DYM: variants seen among roughly 807,000 people sequenced by gnomAD.
DYM encodes dymeclin.
Under a neutral mutation model 93.1 loss-of-function variants are expected in DYM, and 78 were observed. The ratio of observed to expected loss-of-function variants is 0.84; its 90% CI spans 0.70 to 1.01. The LOEUF (loss-of-function observed/expected upper bound fraction) is 1.01. DYM is among the 50% of genes least tolerant of loss of function. The pLI is 0.00. For missense variants in DYM, 789 were observed against 845.0 expected, an observed-to-expected ratio of 0.93 and a Z score of 0.82; for synonymous variants, 321 against 319.7, an observed-to-expected ratio of 1.00 and a Z score of -0.04.
intron 2 of DYM, among the ~76,000 whole-genome samples, chr18:49,427,905 TG>T (rs1260586856): frequency 6.7e-6 from 1 of 150,112 alleles, no homozygotes; most frequent in Non-Finnish European, 1.5e-5. Flanking sequence ...CTGGGCAACA[TG>T]GCAAGACCTT....
intron 17 of DYM, among the ~76,000 whole-genome samples, chr18:49,053,462 G>A (rs2075203779): frequency 1.3e-5 from 2 of 151,962 alleles, no homozygotes; most frequent in South Asian, 4.1e-4. Flanking sequence ...CTACATAGCA[G>A]ATTGAAAAAA....
chr18:49,268,763 T>C (rs2094616375), intron 11 of DYM, among the ~76,000 whole-genome samples: 1 of 96,982 alleles, frequency 1.0e-5, no homozygotes. Flanking sequence ...ATGCATGTTA[T>C]ACTTCAATTT....
rs116740894 is a variant in DYM at position 49,285,097 on chromosome 18, C to T, written c.946+1337G>A. ...ACTGAGCCCTCACCAGACACCAAAC[C>T]TGCCGGTGCCTGCATCTTAGATTGA... On this transcript the variant is annotated intron_variant, in intron 9 of 17. Transcript: ENST00000675505. Among the ~76,000 whole-genome samples, 526 of 152,320 alleles carry T rather than the reference C, an allele frequency of 3.5e-3. 4 individuals are homozygous for T. Among genetic ancestry groups the T allele is most frequent in the African/African-American group, 0.012 (488 of 41,578 alleles).
At chr18:49,162,618 T>C (rs1358697714) in intron 15 of DYM, among the ~76,000 whole-genome samples, 1 of 152,240 alleles carries the variant, frequency 6.6e-6, no homozygotes, top group African/African-American at 2.4e-5. Context: ...GAGTTTTGGA[T>C]GGCACATTCA....
intron 13 of DYM, among the ~76,000 whole-genome samples, chr18:49,247,365 C>G (rs1158157955): frequency 6.6e-6 from 1 of 152,094 alleles, no homozygotes; most frequent in Non-Finnish European, 1.5e-5. Context: ...TTGTCCTTGA[C>G]CCAGGAGTCT....
In DYM at chr18:49,363,209, T is replaced by G. The variant is rs768677076; in HGVS notation, c.446A>C (p.Glu149Ala). Residue 149 changes from glutamate (E) to alanine (A), a missense_variant, in exon 6 of 18, where the codon GAA becomes GCA. Around this residue, in one of 3 missense-constraint regions of DYM, gnomAD observed 450 missense variants for 436.2 expected, o/e 1.03. Transcript: ENST00000675505. ...NYSSDSEDLL[E>A]ELLCCLMQLI... ...CTGCATCAAACAGCACAGCAATTCT[T>G]CCAAAAGATCTTCTGAGTCAGAACC... 1.2e-6 allele frequency: 2 copies of G among 1,613,830 alleles called. No individual in the cohort carries two copies. Among genetic ancestry groups the G allele is most frequent in the African/African-American group, 2.7e-5 (2 of 74,912 alleles).
chr18:49,321,278 C>T, intron 8 of DYM: 1 of 397,832 alleles, frequency 2.5e-6, no homozygotes, highest in African/African-American at 2.1e-5. Flanking sequence ...ATTTCATCTG[C>T]AATTGATTGC....
rs551809354 is a variant in DYM, at chr18:49,163,308, G to A, written c.1728+377C>T. ...ACAGTAAAATCTTGAGAAGAGAGGGGTAATGCTATTATAAATTTTACAATG... is the reference window on the plus strand; with the variant it reads ...ACAGTAAAATCTTGAGAAGAGAGGGATAATGCTATTATAAATTTTACAATG... On this transcript the variant is annotated intron_variant, in intron 15 of 17. Transcript: ENST00000675505. Among the ~76,000 whole-genome samples the A allele has an allele frequency of 4.6e-5, 7 of 152,182 alleles. No individual in the cohort carries two copies. The South Asian group carries it at 8.3e-4, about 18-fold the overall frequency.
chr18:49,246,241 G>A (rs1353379952), intron 13 of DYM, among the ~76,000 whole-genome samples: 2 of 152,128 alleles, frequency 1.3e-5, no homozygotes, highest in Non-Finnish European at 2.9e-5. Context: ...TCCTATCTCT[G>A]CAACATCTGA....
At chr18:49,129,697 C>G (rs1358940063) in intron 15 of DYM, among the ~76,000 whole-genome samples, 1 of 152,156 alleles carries the variant, frequency 6.6e-6, no homozygotes, top group Non-Finnish European at 1.5e-5. Flanking sequence ...GAGCAGGCGA[C>G]TGAAGAGGGC....
intron 2 of DYM, among the ~76,000 whole-genome samples, chr18:49,420,166 T>A (rs916574167): frequency 7.4e-4 from 8 of 10,804 alleles, no homozygotes; most frequent in Non-Finnish European, 1.2e-3. Flanking sequence ...TTAAAATTCG[T>A]TTTTTTTTTT....
intron 3 of DYM, among the ~76,000 whole-genome samples, chr18:49,388,778 C>CA (rs2068879833): frequency 6.6e-6 from 1 of 151,588 alleles, no homozygotes; most frequent in African/African-American, 2.4e-5. Flanking sequence ...TTCTTCACAA[C>CA]AAAAACAAGA....
intron 1 of DYM, among the ~76,000 whole-genome samples, chr18:49,433,892 T>C (rs924789985): frequency 6.6e-6 from 1 of 151,290 alleles, no homozygotes; most frequent in African/African-American, 2.4e-5. Flanking sequence ...AGGAGGTAAA[T>C]AGCAAAAAGC....
intron 9 of DYM, among the ~76,000 whole-genome samples, chr18:49,285,979 G>A (rs1415116702): frequency 6.6e-6 from 1 of 152,126 alleles, no homozygotes; most frequent in Non-Finnish European, 1.5e-5. Context: ...CAGACTGCAG[G>A]AGAGACCATG....
rs536591433 is a variant in DYM, at chr18:49,143,492, TATTTA to T, written c.1728+20188_1728+20192del. Among the ~76,000 whole-genome samples, 24 of 152,330 alleles carry T rather than the reference TATTTA, an allele frequency of 1.6e-4. 2 individuals are homozygous for T. In the South Asian group the frequency reaches 4.8e-3, roughly 30 times the overall value. On this transcript the variant is annotated intron_variant, in intron 15 of 17. Transcript: ENST00000675505. ...ATTTTGCTAAGTACTTTCGATGCAG[TATTTA>T]ATTTAATTCTCATAAAATTTGGCAA...
chr18:49,251,500 G>T (rs1230875888), intron 13 of DYM, among the ~76,000 whole-genome samples: 1 of 152,174 alleles, frequency 6.6e-6, no homozygotes, highest in Non-Finnish European at 1.5e-5. Context: ...GGAAGAGTAG[G>T]TTTGAAAACG....
At chr18:49,450,233 T>G (rs2082407741) in intron 1 of DYM, among the ~76,000 whole-genome samples, 1 of 152,200 alleles carries the variant, frequency 6.6e-6, no homozygotes, top group South Asian at 2.1e-4. Context: ...AAGGCTGTCT[T>G]AAGACACTAA....
At chr18:49,418,004 G>A (rs552520325) in intron 2 of DYM, 20 of 146,184 alleles carry the variant, frequency 1.4e-4, no homozygotes, top group African/African-American at 5.0e-4. Flanking sequence ...AGGTTGTGGT[G>A]AGCCGAGATC....
rs553488215 is a variant in DYM at position 49,293,571 on chromosome 18, T to C, written c.764-6955A>G. The stretch of plus-strand genomic sequence containing the variant: ...GTGGTTTTGATTTGCATTTCTCTAA[T>C]GACCAGTGATGATGAGCTTTCATAT... On this transcript the variant is annotated intron_variant, in intron 8 of 17. Coordinates refer to ENST00000675505, the MANE Select transcript of DYM (RefSeq NM_001353214.3). Among the ~76,000 whole-genome samples the C allele has an allele frequency of 2.0e-5, 3 of 152,378 alleles. No homozygotes were observed. In the East Asian group the frequency reaches 5.8e-4, roughly 29 times the overall value.
Sources: allele counts gnomAD v4.1 joint callset (sites outside exome capture counted in the v4.1 genomes callset), GRCh38; gene constraint gnomAD v4.1.1; regional missense constraint gnomAD v4.1.1; transcripts MANE v1.5; gene names NCBI Gene and HGNC (gene_info 2026-07-23, HGNC 2026-07-21).